Variants in PREB observed in about 807,000 individuals in gnomAD.
The protein encoded by PREB is guanine nucleotide-exchange factor SEC12.
Under a neutral mutation model 46.7 loss-of-function variants are expected in PREB, and 29 were observed. The observed-to-expected ratio is 0.62, with a 90% CI of 0.46 to 0.85. The LOEUF (loss-of-function observed/expected upper bound fraction) is 0.85. Among genes scored for constraint, PREB ranks in the 40% least tolerant of loss-of-function variants. PREB has a pLI of 0.00. For missense variants in PREB, 494 were observed against 528.4 expected (o/e 0.93, Z 0.64); for synonymous variants, 224 against 220.1 (o/e 1.02, Z -0.16).
At position 27,133,706 on chromosome 2, in the gene PREB, C is replaced by T; in HGVS notation, c.151G>A (p.Glu51Lys). 6.2e-7 allele frequency: 1 copy of T among 1,613,940 alleles called. No individual in the cohort carries two copies. Among genetic ancestry groups the T allele is most frequent in the Non-Finnish European group, 8.5e-7 (1 of 1,179,880 alleles). Residue 51 changes from glutamate to lysine, a missense_variant, in exon 2 of 9, where the codon GAG becomes AAG. Transcript: ENST00000260643. The part of the protein sequence containing the change: ...IKNGVHFLQL[E>K]LINGRLSASL... ...GCACTCAAGCGCCCATTAATCAGCT[C>T]TAGCTGCAGAAAGTGCTGTGGGAGG...
Position 27,133,554 on chromosome 2 carries a change from C to T in PREB, c.303G>A (p.Gln101=), listed in dbSNP as rs750768917. 1.2e-6 allele frequency: 2 copies of T among 1,613,880 alleles called. No homozygotes were observed. The highest frequency in any genetic ancestry group is 1.7e-5 in the Admixed American group (1 of 59,988). Residue 101 remains glutamine (Q), a synonymous_variant, in exon 2 of 9, where the codon CAG becomes CAA. Coordinates refer to ENST00000260643, the MANE Select transcript of PREB (RefSeq NM_013388.6). The part of the protein sequence containing the change: ...QLLRFQAHQQ[Q]GNKAEKAGSK... Reference sequence around the variant, plus strand: ...CACCGGCCTTCTCTGCCTTGTTGCCCTGCTGTTGATGTGCCTGGAAGCGCA... The same window carrying T: ...CACCGGCCTTCTCTGCCTTGTTGCCTTGCTGTTGATGTGCCTGGAAGCGCA...
chr2:27,133,029 C>T (rs1198624267), intron 3 of PREB, 88 bp downstream of exon 3: 12 of 1,582,064 alleles, frequency 7.6e-6, no homozygotes, highest in Admixed American at 1.7e-5. Flanking sequence ...GCTTCATTCA[C>T]AAGTTTCCCA....
Position 27,132,269 on chromosome 2 carries a change from T to A in PREB, c.887A>T (p.Lys296Met), listed in dbSNP as rs1276783675. ...DGSNFLPLRT[K>M]SCGHEVVSCL... is the part of the protein sequence containing the mutation. Reference sequence around the variant, plus strand: ...GGAGACGACTTCATGGCCACAGGACTTGGTCCGAAGGGGCAAGAAGTTGGA... The same window carrying A: ...GGAGACGACTTCATGGCCACAGGACATGGTCCGAAGGGGCAAGAAGTTGGA... Residue 296 changes from lysine to methionine, a missense_variant, in exon 6 of 9, where the codon AAG becomes ATG. Coordinates refer to ENST00000260643, the MANE Select transcript of PREB (RefSeq NM_013388.6). The surrounding 1 kb of genome is among the most constrained non-coding windows in gnomAD (Gnocchi z 4.0). The A allele has an allele frequency of 1.2e-6, 2 of 1,614,012 alleles. No homozygotes were observed. The highest frequency in any genetic ancestry group is 1.7e-6 in the Non-Finnish European group (2 of 1,180,012).
In PREB at chr2:27,134,456, C is replaced by A; in HGVS notation, c.-35G>T. 1 of 1,473,512 alleles carries A rather than the reference C, an allele frequency of 6.8e-7. No homozygotes were observed. The highest frequency in any genetic ancestry group is 1.5e-5 in the African/African-American group (1 of 67,768). The allele number at this position is 1,473,512 out of a possible 1,614,324, so 91.3% of individuals were successfully genotyped here. A position where few individuals can be genotyped will look rare whatever the true frequency, so the allele number is the denominator to read the frequency against. On this transcript the variant is annotated 5_prime_UTR_variant, in exon 1 of 9. Coordinates refer to ENST00000260643, the MANE Select transcript of PREB (RefSeq NM_013388.6). ...CGCGCGTTCACTGCCCGCACCGCGGCACCCAGGACATGCCGCGCCGGGCCT... is the reference window on the plus strand; with the variant it reads ...CGCGCGTTCACTGCCCGCACCGCGGAACCCAGGACATGCCGCGCCGGGCCT...
rs756060997 is a variant in PREB, at chr2:27,132,662, C to T, written c.693G>A (p.Leu231=). ...VWQKDQLVTQ[L]HWQENGPTFS... is the part of the protein sequence containing the mutation. ...AGGTGGGTCCATTTTCTTGCCAGTG[C>T]AGCTGTGTCACCAGCTGATCCTTCT... The change falls in exon 5 of 9, where the codon CTG becomes CTA. Residue 231 remains leucine (L), a synonymous_variant. Transcript: ENST00000260643. The surrounding 1 kb of genome is among the most constrained non-coding windows in gnomAD (Gnocchi z 4.0). 6 of 1,614,018 alleles carry T rather than the reference C, an allele frequency of 3.7e-6. No individual in the cohort carries two copies. Among genetic ancestry groups the T allele is most frequent in the Middle Eastern group, 1.6e-4 (1 of 6,082 alleles).
Position 27,134,352 on chromosome 2 carries a change from T to C in PREB, c.70A>G (p.Ser24Gly). Reference sequence around the variant, plus strand: ...CCCGCAGCGATGAGCAGCCCAGTGCTGGGGTCGACCTGAAGCGCGTACAAC... The same window carrying C: ...CCCGCAGCGATGAGCAGCCCAGTGCCGGGGTCGACCTGAAGCGCGTACAAC... The part of the protein sequence containing the change: ...FPLYALQVDP[S>G]TGLLIAAGGG... The change falls in exon 1 of 9, where the codon AGC becomes GGC. Residue 24 changes from serine (S) to glycine (G), a missense_variant. Coordinates refer to ENST00000260643, the MANE Select transcript of PREB (RefSeq NM_013388.6). 2 of 1,611,480 alleles carry C rather than the reference T, an allele frequency of 1.2e-6. No individual in the cohort carries two copies. The highest frequency in any genetic ancestry group is 2.2e-5 in the East Asian group (1 of 44,784).
At position 27,132,244 on chromosome 2, in the gene PREB, G is replaced by A. The variant is rs369326913; in HGVS notation, c.912C>T (p.Ser304=). ...RTKSCGHEVV[S]CLDVSESGTF... is the part of the protein sequence containing the mutation. ...ATGTCTCACACCTGACATCGAGGCA[G>A]GAGACGACTTCATGGCCACAGGACT... is the stretch of plus-strand genomic sequence containing the variant. Residue 304 remains serine (S), a synonymous_variant, in exon 6 of 9, where the codon TCC becomes TCT. Coordinates refer to ENST00000260643, the MANE Select transcript of PREB (RefSeq NM_013388.6). This position sits in a 1 kb window ranked among gnomAD's most constrained non-coding sequence, Gnocchi z 4.0. 6.2e-7 allele frequency: 1 copy of A among 1,614,210 alleles called. No homozygotes were observed. The highest frequency in any genetic ancestry group is 8.5e-7 in the Non-Finnish European group (1 of 1,180,024).
rs778537201 is a variant in PREB at position 27,132,700 on chromosome 2, C to G, written c.655G>C (p.Ala219Pro). 5.6e-6 allele frequency: 9 copies of G among 1,614,012 alleles called. No homozygotes were observed. The highest frequency in any genetic ancestry group is 7.6e-6 in the Non-Finnish European group (9 of 1,180,024). ...KLVTVGRDLKASVWQKDQLVT... is the reference protein window; with the variant it reads ...KLVTVGRDLKPSVWQKDQLVT... ...AGCTGATCCTTCTGCCACACAGAGG[C>G]CTTAAGGTCCCGGCCCACGGTTACC... The change falls in exon 5 of 9, where the codon GCC (alanine) becomes CCC (proline). Residue 219 changes from alanine (A) to proline (P), a missense_variant. By Grantham distance (27) the Ala-to-Pro change is conservative. Transcript: ENST00000260643. This position sits in a 1 kb window ranked among gnomAD's most constrained non-coding sequence, Gnocchi z 4.0.
rs1285776343 is a variant in PREB at position 27,133,698 on chromosome 2, A to C, written c.159T>G (p.Ile53Met). 2.5e-6 allele frequency: 4 copies of C among 1,614,062 alleles called. No homozygotes were observed. Among genetic ancestry groups the C allele is most frequent in the Non-Finnish European group, 3.4e-6 (4 of 1,179,954 alleles). Reference protein sequence around the residue: ...NGVHFLQLELINGRLSASLLH... With the variant: ...NGVHFLQLELMNGRLSASLLH... ...GCAAGGAGGCACTCAAGCGCCCATTAATCAGCTCTAGCTGCAGAAAGTGCT... is the reference window on the plus strand; with the variant it reads ...GCAAGGAGGCACTCAAGCGCCCATTCATCAGCTCTAGCTGCAGAAAGTGCT... The change falls in exon 2 of 9, where the codon ATT becomes ATG. Residue 53 changes from isoleucine (I) to methionine (M), a missense_variant. Ile to Met is a conservative substitution (Grantham distance 10). Coordinates refer to ENST00000260643, the MANE Select transcript of PREB (RefSeq NM_013388.6).
chr2:27,134,522 C>A lies in PREB; in HGVS notation c.-101G>T. The A allele has an allele frequency of 7.2e-7, 1 of 1,388,392 alleles. No individual in the cohort carries two copies. Among genetic ancestry groups the A allele is most frequent in the Non-Finnish European group, 9.3e-7 (1 of 1,080,698 alleles). 86.0% of individuals were successfully genotyped at this position (1,388,392 alleles called of 1,614,324 possible). ...GCGGCTGGTGAACTCGGCCCCGTCG[C>A]CGCCGGGAGCACTCCCTACCCCTCT... On this transcript the variant is annotated 5_prime_UTR_variant, in exon 1 of 9. Transcript: ENST00000260643.
chr2:27,131,682 C>A lies in PREB; in HGVS notation c.1149G>T (p.Leu383Phe). Residue 383 changes from leucine to phenylalanine, a missense_variant, in exon 8 of 9, where the codon TTG (leucine) becomes TTT (phenylalanine). By Grantham distance (22) the Leu-to-Phe change is conservative (BLOSUM62 0). Transcript: ENST00000260643. ...AVDSRCQLHLLPSRRSVPVWL... is the reference protein window; with the variant it reads ...AVDSRCQLHLFPSRRSVPVWL... ...GCCCCAATGACTCACGCCGTGAGGG[C>A]AACAGATGCAGCTGGCAACGACTGT... 1 of 1,613,974 alleles carries A rather than the reference C, an allele frequency of 6.2e-7. No homozygotes were observed. Among genetic ancestry groups the A allele is most frequent in the Non-Finnish European group, 8.5e-7 (1 of 1,179,912 alleles).
chr2:27,133,801 C>T, intron 1 of PREB, 80 bp from the exon 2 acceptor site: 1 of 1,407,090 alleles, frequency 7.1e-7, no homozygotes, highest in Non-Finnish European at 9.8e-7. Context: ...TGTCTTACCC[C>T]TTTGCTTTCT....
rs1164988617 is a variant in PREB at position 27,131,031 on chromosome 2, T to C, written c.*383A>G. 2 of 531,942 alleles carry C rather than the reference T, an allele frequency of 3.8e-6. No individual in the cohort carries two copies. The highest frequency in any genetic ancestry group is 6.7e-6 in the Non-Finnish European group (2 of 296,898). The allele number at this position is 531,942 out of a possible 1,614,324, so 33.0% of individuals were successfully genotyped here. On this transcript the variant is annotated 3_prime_UTR_variant, in exon 9 of 9. Transcript: ENST00000260643. ...TGTGAAGAGGAACTGGCCACAAGGC[T>C]GAGGGGAGGAGGAGAAACTGTTTCT...
rs559887923 is a variant in PREB at position 27,134,363 on chromosome 2, T to A, written c.59A>T (p.Gln20Leu). 6.2e-6 allele frequency: 10 copies of A among 1,611,104 alleles called. No individual in the cohort carries two copies. In the African/African-American group the frequency reaches 1.1e-4, roughly 17 times the overall value. The change falls in exon 1 of 9, where the codon CAG (glutamine) becomes CTG (leucine). Residue 20 changes from glutamine to leucine, a missense_variant. By Grantham distance (113) the Gln-to-Leu change is moderately radical (BLOSUM62 -2). Coordinates refer to ENST00000260643, the MANE Select transcript of PREB (RefSeq NM_013388.6). ...YRAPFPLYAL[Q>L]VDPSTGLLIA... ...GAGCAGCCCAGTGCTGGGGTCGACCTGAAGCGCGTACAACGGGAACGGAGC... is the reference window on the plus strand; with the variant it reads ...GAGCAGCCCAGTGCTGGGGTCGACCAGAAGCGCGTACAACGGGAACGGAGC...
chr2:27,133,843 CT>C, intron 1 of PREB, 122 bp from the exon 2 acceptor site: 1 of 929,760 alleles, frequency 1.1e-6, no homozygotes. Context: ...TTTCTCGAGT[CT>C]TTTTTCTCTC....
chr2:27,131,904 C>A, intron 7 of PREB, 73 bp from the exon 8 acceptor site: 1 of 1,594,896 alleles, frequency 6.3e-7, no homozygotes, highest in South Asian at 1.1e-5. Flanking sequence ...TGTTCCCCAC[C>A]CCCAGGATTT....
chr2:27,131,831 A>G lies in PREB; in HGVS notation c.1000T>C (p.Cys334Arg), dbSNP rs1672288851. 1 of 1,613,706 alleles carries G rather than the reference A, an allele frequency of 6.2e-7. No homozygotes were observed. Residue 334 changes from cysteine (C) to arginine (R), a missense_variant and splice_region_variant, in exon 8 of 9, where the codon TGC becomes CGC. Coordinates refer to ENST00000260643, the MANE Select transcript of PREB (RefSeq NM_013388.6). ...TGGGCCTCCCTCACGTAGTAGAGGC[A>G]CTGTGGGCAGAAGGAATACCAGTGA... ...VAIYIAFSLQCLYYVREAHGI... is the reference protein window; with the variant it reads ...VAIYIAFSLQRLYYVREAHGI...
Position 27,131,765 on chromosome 2 carries a change from C to A in PREB, c.1066G>T (p.Gly356Cys). ...GACCCAAGGAGCTCTGGACCACGAC[C>A]CTTCTCAGGTAGAAAGGCCACATCC... ...VTDVAFLPEK[G>C]RGPELLGSHE... The change falls in exon 8 of 9, where the codon GGT becomes TGT. Residue 356 changes from glycine (G) to cysteine (C), a missense_variant. Physicochemically the swap from Gly to Cys is radical, Grantham distance 159. Coordinates refer to ENST00000260643, the MANE Select transcript of PREB (RefSeq NM_013388.6). 6.2e-7 allele frequency: 1 copy of A among 1,614,142 alleles called. No homozygotes were observed. Among genetic ancestry groups the A allele is most frequent in the Non-Finnish European group, 8.5e-7 (1 of 1,179,986 alleles).
chr2:27,132,085 G>A lies in PREB; in HGVS notation c.927-3C>T. On this transcript the variant is annotated splice_region_variant and splice_polypyrimidine_tract_variant and intron_variant, in intron 6 of 8. Transcript: ENST00000260643. This position sits in a 1 kb window ranked among gnomAD's most constrained non-coding sequence, Gnocchi z 4.0. ...GGCCTAGGAAGGTGCCGGATTCACT[G>A]CAACAAACAATAAAGAGCTCATTGT... 2 of 1,613,986 alleles carry A rather than the reference G, an allele frequency of 1.2e-6. No individual in the cohort carries two copies. Among genetic ancestry groups the A allele is most frequent in the Non-Finnish European group, 1.7e-6 (2 of 1,179,852 alleles).
Sources: gnomAD v4.1 joint callset for allele counts on GRCh38, gnomAD v4.1.1 for gene constraint, Gnocchi (gnomAD v3.1) non-coding constraint, MANE v1.5 for transcripts, NCBI Gene and HGNC (gene_info 2026-07-23, HGNC 2026-07-21) for gene names.